The following COLEC11 variants were observed in gnomAD, a reference collection of about 807,000 sequenced individuals.
COLEC11 encodes the protein collectin subfamily member 11.
COLEC11 carries 20 observed loss-of-function variants against 27.3 expected under a neutral mutation model. The ratio of observed to expected loss-of-function variants is 0.73; its 90% CI spans 0.51 to 1.06. The LOEUF is 1.06. COLEC11 is among the 50% of genes least tolerant of loss of function. The pLI, the probability that COLEC11 is intolerant of heterozygous loss-of-function variation, is 0.00. For missense variants in COLEC11, 310 were observed against 383.0 expected (o/e 0.81, Z 1.59); for synonymous variants, 163 against 154.7 (o/e 1.05, Z -0.40).
chr2:3,620,271 A>T (rs1007235532), intron 3 of COLEC11, among the ~76,000 whole-genome samples: 5 of 151,818 alleles, frequency 3.3e-5, no homozygotes, highest in Admixed American at 2.0e-4. Flanking sequence ...TTTTTTCATT[A>T]TTCAGTCTTT....
At chr2:3,616,574 C>G (rs553026724) in intron 3 of COLEC11, among the ~76,000 whole-genome samples, 2 of 152,374 alleles carry the variant, frequency 1.3e-5, no homozygotes, top group South Asian at 2.1e-4. Context: ...CCGGCCAACA[C>G]AGCGAAACCC....
chr2:3,635,829 C>T (rs1014502077), intron 3 of COLEC11, among the ~76,000 whole-genome samples: 2 of 152,230 alleles, frequency 1.3e-5, no homozygotes, highest in Non-Finnish European at 2.9e-5. Flanking sequence ...GGCCTCAGAG[C>T]AGCAGAGTGT....
chr2:3,643,637 T>G, intron 6 of COLEC11, 90 bp from the exon 7 acceptor site: 1 of 1,602,146 alleles, frequency 6.2e-7, no homozygotes, highest in Non-Finnish European at 8.5e-7. Flanking sequence ...CTGCCCTGCC[T>G]GCCCTGCCGG....
chr2:3,606,237 C>T (rs1331518830), intron 2 of COLEC11: 8 of 1,550,398 alleles, frequency 5.2e-6, no homozygotes, highest in Admixed American at 2.0e-5. Flanking sequence ...TCCCTGCGCC[C>T]TGCCAGGTCA....
At chr2:3,606,896 A>G (rs1287217104) in intron 2 of COLEC11, among the ~76,000 whole-genome samples, 1 of 152,232 alleles carries the variant, frequency 6.6e-6, no homozygotes, top group African/African-American at 2.4e-5. Flanking sequence ...GCACAGTGCC[A>G]GCTTCTAAGG....
chr2:3,631,037 C>A (rs1427469416), intron 3 of COLEC11, among the ~76,000 whole-genome samples: 4 of 152,198 alleles, frequency 2.6e-5, no homozygotes, highest in East Asian at 3.9e-4. Context: ...TCGAGACCAG[C>A]CTGGCTAACA....
At chr2:3,616,238 G>C (rs1028563005) in intron 3 of COLEC11, among the ~76,000 whole-genome samples, 28 of 151,096 alleles carry the variant, frequency 1.9e-4, no homozygotes, top group African/African-American at 5.4e-4. Flanking sequence ...TCCCAGACAG[G>C]ATGGCGGCCG....
At chr2:3,620,448 T>A (rs1256649831) in intron 3 of COLEC11, among the ~76,000 whole-genome samples, 1 of 152,130 alleles carries the variant, frequency 6.6e-6, no homozygotes, top group East Asian at 1.9e-4. Flanking sequence ...TTTTTCTTCG[T>A]CTAGCTAAAG....
At chr2:3,604,195 G>T in intron 1 of COLEC11, 120 bp from the exon 2 acceptor site, 4 of 1,068,272 alleles carry the variant, frequency 3.7e-6, no homozygotes, top group South Asian at 1.4e-5. Context: ...CGCCATGGGG[G>T]CCCAGACAGC....
At chr2:3,612,544 C>T (rs76570576) in intron 2 of COLEC11, among the ~76,000 whole-genome samples, 2,350 of 152,260 alleles carry the variant, frequency 0.015, 133 homozygotes, top group Admixed American at 0.11. Flanking sequence ...AAGTACTGCA[C>T]GTCATTTATA....
In COLEC11 at chr2:3,637,601, A is replaced by G. The variant is rs1665523061; in HGVS notation, c.271A>G (p.Lys91Glu). 9.3e-6 allele frequency: 15 copies of G among 1,613,496 alleles called. No homozygotes were observed. The highest frequency in any genetic ancestry group is 1.2e-5 in the Non-Finnish European group (14 of 1,179,508). The change falls in exon 4 of 7, where the codon AAA becomes GAA. Residue 91 changes from lysine to glutamate, a missense_variant. Transcript: ENST00000349077. The stretch of plus-strand genomic sequence containing the variant: ...TGGAAAAATTGGTCCCATTGGCTCT[A>G]AAGGTATTTGCAATGCGATTCTTGC... ...RHGKIGPIGSKGEKGDSGDIG... is the reference protein window; with the variant it reads ...RHGKIGPIGSEGEKGDSGDIG...
At chr2:3,620,131 G>A (rs754271513) in intron 3 of COLEC11, among the ~76,000 whole-genome samples, 6 of 152,118 alleles carry the variant, frequency 3.9e-5, no homozygotes, top group Non-Finnish European at 8.8e-5. Context: ...GATTTTAGAA[G>A]GATTGGTATT....
chr2:3,627,700 G>A (rs780230830), intron 3 of COLEC11, among the ~76,000 whole-genome samples: 4 of 151,658 alleles, frequency 2.6e-5, no homozygotes, highest in Non-Finnish European at 5.9e-5. Context: ...GCACGATGAC[G>A]GTGGATCTAG....
At chr2:3,620,926 G>A (rs1238603981) in intron 3 of COLEC11, among the ~76,000 whole-genome samples, 3 of 152,182 alleles carry the variant, frequency 2.0e-5, no homozygotes, top group Non-Finnish European at 4.4e-5. Context: ...CCTTGAATTT[G>A]TTAAGACTTG....
chr2:3,618,425 C>G (rs1663941370), intron 3 of COLEC11, among the ~76,000 whole-genome samples: 1 of 152,066 alleles, frequency 6.6e-6, no homozygotes, highest in African/African-American at 2.4e-5. Context: ...TTCAGTTTTC[C>G]CAATAGCATT....
At chr2:3,640,256 G>C (rs1665748079) in intron 4 of COLEC11, 22 bp from the exon 5 acceptor site, 4 of 1,532,782 alleles carry the variant, frequency 2.6e-6, no homozygotes, top group African/African-American at 1.4e-5. Context: ...CTGGTGACTT[G>C]GACCTTGTTT....
At chr2:3,637,735 G>C in intron 4 of COLEC11, 131 bp downstream of exon 4, 1 of 794,144 alleles carries the variant, frequency 1.3e-6, no homozygotes, top group Non-Finnish European at 2.2e-6. Flanking sequence ...TGGTAGATAA[G>C]AAATCTACTG....
At chr2:3,637,953 C>T (rs910257526) in intron 4 of COLEC11, among the ~76,000 whole-genome samples, 24 of 152,190 alleles carry the variant, frequency 1.6e-4, no homozygotes, top group African/African-American at 5.6e-4. Flanking sequence ...AAGGAGCGGA[C>T]GCACCCTGCT....
chr2:3,622,501 C>T (rs950384591), intron 3 of COLEC11, among the ~76,000 whole-genome samples: 3 of 152,216 alleles, frequency 2.0e-5, no homozygotes. Flanking sequence ...CCAAAACTCA[C>T]GTTGAAACTT....
Sources: allele counts gnomAD v4.1 joint callset (sites outside exome capture counted in the v4.1 genomes callset), GRCh38; gene constraint gnomAD v4.1.1; transcripts MANE v1.5; gene names NCBI Gene and HGNC (gene_info 2026-07-23, HGNC 2026-07-21).